Variants in LCORL observed in about 807,000 individuals in gnomAD.
LCORL encodes ligand dependent nuclear receptor corepressor like.
In LCORL, 41 loss-of-function variants were observed where a neutral mutation model predicts 141.8. That is an observed-to-expected ratio of 0.29 (90% confidence interval 0.23 to 0.38). The LOEUF (loss-of-function observed/expected upper bound fraction) is 0.38. LCORL is among the 10% of genes least tolerant of loss of function. The probability of loss-of-function intolerance (pLI) is 1.00; values close to 1 mark genes in which losing one functional copy is unlikely to be tolerated. For missense variants in LCORL, 1,759 were observed against 2,035.0 expected, an observed-to-expected ratio of 0.86 and a Z score of 2.61; for synonymous variants, 618 against 694.1, an observed-to-expected ratio of 0.89 and a Z score of 1.72.
At chr4:17,935,797 T>C (rs538493762) in intron 4 of LCORL, among the ~76,000 whole-genome samples, 6 of 152,310 alleles carry the variant, frequency 3.9e-5, no homozygotes, top group Admixed American at 6.5e-5. Context: ...TTTATGGCAA[T>C]GCAAACAGAC....
intron 4 of LCORL, among the ~76,000 whole-genome samples, chr4:17,909,707 T>C (rs895179046): frequency 6.6e-6 from 1 of 152,146 alleles, no homozygotes; most frequent in African/African-American, 2.4e-5. Flanking sequence ...ATATAAATTG[T>C]ATAAGTAACC....
intron 1 of LCORL, among the ~76,000 whole-genome samples, chr4:17,980,828 C>T (rs913958031): frequency 7.2e-5 from 11 of 151,982 alleles, no homozygotes; most frequent in Admixed American, 6.6e-5. Flanking sequence ...CTCACAGGAG[C>T]GTGAGCCCTA....
intron 5 of LCORL, among the ~76,000 whole-genome samples, chr4:17,893,948 G>A (rs1361184612): frequency 2.0e-5 from 3 of 152,028 alleles, no homozygotes; most frequent in Admixed American, 6.6e-5. Flanking sequence ...ACAGGTGTGC[G>A]CCACCATGCC....
At chr4:17,905,533 ATTTCT>A (rs997026216) in intron 5 of LCORL, among the ~76,000 whole-genome samples, 1 of 151,882 alleles carries the variant, frequency 6.6e-6, no homozygotes, top group Non-Finnish European at 1.5e-5. Flanking sequence ...TTATACCAAC[ATTTCT>A]TTTTTTTTCT....
intron 5 of LCORL, among the ~76,000 whole-genome samples, chr4:17,900,888 A>G (rs573976877): frequency 6.6e-6 from 1 of 152,258 alleles, no homozygotes; most frequent in East Asian, 1.9e-4. Context: ...AATGTCCACA[A>G]TTGATGAGAT....
At chr4:17,979,365 G>T (rs1347929005) in intron 1 of LCORL, among the ~76,000 whole-genome samples, 2 of 152,188 alleles carry the variant, frequency 1.3e-5, no homozygotes, top group Non-Finnish European at 2.9e-5. Context: ...TACAGGAGAA[G>T]ATAAGTCCAA....
chr4:17,845,322 G>T (rs1331251236), exon 8 of LCORL: 1 of 155,594 alleles, frequency 6.4e-6, no homozygotes, highest in Non-Finnish European at 1.4e-5. Context: ...TTTGCTTCGA[G>T]GTAGTTGGTA....
chr4:17,842,352 G>A, exon 8 of LCORL: 1 of 1,612,200 alleles, frequency 6.2e-7, no homozygotes, highest in Non-Finnish European at 8.5e-7. Context: ...AACAGGAGGT[G>A]TCAGACTGCT....
chr4:17,881,536 C>G, intron 6 of LCORL: 1 of 903,006 alleles, frequency 1.1e-6, no homozygotes, highest in Non-Finnish European at 1.3e-6. Flanking sequence ...TGCAAATTAA[C>G]TATAATATTA....
At chr4:17,946,763 G>T (rs1738948634) in intron 4 of LCORL, among the ~76,000 whole-genome samples, 1 of 151,874 alleles carries the variant, frequency 6.6e-6, no homozygotes, top group South Asian at 2.1e-4. Context: ...ATACATCATT[G>T]TGTATTAGGA....
At chr4:17,946,897 T>G (rs919667352) in intron 4 of LCORL, among the ~76,000 whole-genome samples, 3 of 152,018 alleles carry the variant, frequency 2.0e-5, no homozygotes, top group Non-Finnish European at 4.4e-5. Context: ...GGAACCCATG[T>G]GCACTGTTGG....
chr4:17,982,620 A>AT (rs567986289), intron 1 of LCORL, among the ~76,000 whole-genome samples: 2 of 151,628 alleles, frequency 1.3e-5, no homozygotes, highest in Non-Finnish European at 2.9e-5. Context: ...TTTAATGGAA[A>AT]TTTTTTTTCT....
At chr4:17,845,520 C>A in exon 8 of LCORL, 3 of 412,522 alleles carry the variant, frequency 7.3e-6, no homozygotes, top group South Asian at 6.8e-5. Context: ...CATCAAAATC[C>A]GTTTACAAAA....
At chr4:17,881,218 G>T (rs1314429244) in intron 6 of LCORL, 1 of 981,558 alleles carries the variant, frequency 1.0e-6, no homozygotes, top group African/African-American at 1.8e-5. Context: ...GCACATAAGG[G>T]TTGCTTTCAC....
rs756009488 is a variant in LCORL at position 18,021,647 on chromosome 4, T to C, written c.105A>G (p.Gly35=). 8 of 1,545,312 alleles carry C rather than the reference T, an allele frequency of 5.2e-6. No individual in the cohort carries two copies. Among genetic ancestry groups the C allele is most frequent in the Non-Finnish European group, 7.0e-6 (8 of 1,144,934 alleles). ...GCCAAGAGTCGAGTTCCCGCCGGAA[T>C]CCTCTTCTCTCCGCCGCGCACCGAG... The change falls in exon 1 of 8, where the codon GGA becomes GGG. Residue 35 remains glycine (G), a synonymous_variant. Coordinates refer to ENST00000635767, the Ensembl canonical transcript of LCORL. This position sits in a 1 kb window ranked among gnomAD's most constrained non-coding sequence, Gnocchi z 5.5.
intron 5 of LCORL, among the ~76,000 whole-genome samples, chr4:17,892,895 G>A (rs752142744): frequency 2.6e-5 from 4 of 152,006 alleles, no homozygotes; most frequent in African/African-American, 7.2e-5. Context: ...ACCTTATTCT[G>A]TAAAAAGTTT....
intron 1 of LCORL, among the ~76,000 whole-genome samples, chr4:18,005,645 C>A (rs941769393): frequency 6.6e-6 from 1 of 152,222 alleles, no homozygotes; most frequent in Non-Finnish European, 1.5e-5. Flanking sequence ...TAATTCTTGA[C>A]TTCTGTGCAC....
exon 7 of LCORL, chr4:17,874,585 T>C (rs1225430051): frequency 1.6e-6 from 2 of 1,233,576 alleles, no homozygotes; most frequent in African/African-American, 1.6e-5. Flanking sequence ...TCATTTTCAA[T>C]GTGTTCTCTT....
chr4:17,939,360 C>A (rs1311910645), intron 4 of LCORL, among the ~76,000 whole-genome samples: 1 of 152,078 alleles, frequency 6.6e-6, no homozygotes, highest in Non-Finnish European at 1.5e-5. Context: ...AACAGTTTGG[C>A]AGTTTCTGAT....
Sources: allele counts gnomAD v4.1 joint callset (sites outside exome capture counted in the v4.1 genomes callset), GRCh38; gene constraint gnomAD v4.1.1; non-coding constraint Gnocchi (gnomAD v3.1); transcripts MANE v1.5; gene names NCBI Gene and HGNC (gene_info 2026-07-23, HGNC 2026-07-21).